EPHB1: variants seen among roughly 807,000 people sequenced by gnomAD.
The protein encoded by EPHB1 is EPH receptor B1, also known as ephrin type-B receptor 1.
In EPHB1, 30 loss-of-function variants were observed where a neutral mutation model predicts 94.4. The observed-to-expected ratio is 0.32, with a 90% CI of 0.24 to 0.43. The LOEUF (loss-of-function observed/expected upper bound fraction) is 0.43, where lower values mean the gene tolerates loss of function less well. Ranked by LOEUF, EPHB1 falls within the 20% of genes least tolerant of loss-of-function variation. The pLI, the probability that EPHB1 is intolerant of heterozygous loss-of-function variation, is 1.00. For synonymous variants in EPHB1, 522 were observed against 489.1 expected (o/e 1.07, Z -0.89); for missense variants, 1,055 against 1,308.3 (o/e 0.81, Z 2.99).
intron 3 of EPHB1, among the ~76,000 whole-genome samples, chr3:135,090,556 A>G (rs531583049): frequency 2.0e-5 from 3 of 152,230 alleles, no homozygotes; most frequent in Middle Eastern, 3.2e-3. Context: ...ACTGCAATTT[A>G]GGAGCTGAGC....
intron 5 of EPHB1, among the ~76,000 whole-genome samples, chr3:135,149,623 T>C (rs1941129601): frequency 6.6e-6 from 1 of 152,240 alleles, no homozygotes; most frequent in Non-Finnish European, 1.5e-5. Context: ...TGCAGGTGAC[T>C]GTTGATGGCA....
chr3:135,210,980 C>T (rs1943019854), intron 12 of EPHB1, among the ~76,000 whole-genome samples: 1 of 152,196 alleles, frequency 6.6e-6, no homozygotes, highest in African/African-American at 2.4e-5. Context: ...CATCCCTCTC[C>T]ACCCCATGTA....
chr3:134,918,571 T>C (rs1292985201), intron 1 of EPHB1, among the ~76,000 whole-genome samples: 1 of 152,210 alleles, frequency 6.6e-6, no homozygotes. Context: ...TGTTCCATCT[T>C]GCTTCCTAGT....
At chr3:134,858,889 G>C (rs2037184097) in intron 1 of EPHB1, among the ~76,000 whole-genome samples, 1 of 152,184 alleles carries the variant, frequency 6.6e-6, no homozygotes, top group Non-Finnish European at 1.5e-5. Context: ...TGAAGATACG[G>C]GGCCCCTTCC....
chr3:134,849,574 T>C (rs967967022), intron 1 of EPHB1, among the ~76,000 whole-genome samples: 7 of 152,108 alleles, frequency 4.6e-5, no homozygotes, highest in African/African-American at 1.7e-4. Context: ...ACGTGGAGCC[T>C]GTAGTTGGAG....
intron 3 of EPHB1, among the ~76,000 whole-genome samples, chr3:135,011,916 C>G (rs1434650130): frequency 2.0e-5 from 3 of 152,112 alleles, no homozygotes; most frequent in Non-Finnish European, 4.4e-5. Flanking sequence ...TGAAGGGTGT[C>G]AAGAGAATAG....
chr3:134,831,221 G>T (rs2036576644), intron 1 of EPHB1, among the ~76,000 whole-genome samples: 1 of 152,190 alleles, frequency 6.6e-6, no homozygotes, highest in Non-Finnish European at 1.5e-5. Context: ...ACTTGAAAAT[G>T]TGGCCTCTAA....
chr3:135,183,042 C>CT (rs10694309), intron 10 of EPHB1, among the ~76,000 whole-genome samples: 27 of 75,416 alleles, frequency 3.6e-4, no homozygotes, highest in East Asian at 2.0e-3. Flanking sequence ...TTCTTTCTTT[C>CT]TTTCTTTCTT....
intron 3 of EPHB1, among the ~76,000 whole-genome samples, chr3:135,062,898 A>G (rs1400264604): frequency 1.3e-5 from 2 of 152,090 alleles, no homozygotes; most frequent in Non-Finnish European, 2.9e-5. Flanking sequence ...TCATTCTCCT[A>G]TATGTGGTTA....
chr3:135,110,743 T>C (rs1290448093), intron 4 of EPHB1, among the ~76,000 whole-genome samples: 1 of 152,208 alleles, frequency 6.6e-6, no homozygotes, highest in African/African-American at 2.4e-5. Context: ...TAGAGAAGGA[T>C]AAGAATCTGC....
chr3:134,935,600 T>G (rs1317289251), intron 2 of EPHB1, among the ~76,000 whole-genome samples: 1 of 152,232 alleles, frequency 6.6e-6, no homozygotes, highest in East Asian at 1.9e-4. Context: ...TGATTGGGAT[T>G]ACATTGTGTT....
intron 10 of EPHB1, among the ~76,000 whole-genome samples, chr3:135,185,103 TC>T (rs1461282120): frequency 1.3e-5 from 2 of 152,214 alleles, no homozygotes; most frequent in Non-Finnish European, 2.9e-5. Context: ...TAAATATGTC[TC>T]CTCTGACTCT....
At chr3:135,245,214 C>T (rs1314452126) in intron 13 of EPHB1, among the ~76,000 whole-genome samples, 1 of 152,180 alleles carries the variant, frequency 6.6e-6, no homozygotes, top group East Asian at 1.9e-4. Flanking sequence ...CTGCGCTGTG[C>T]TCAACACGCA....
intron 4 of EPHB1, among the ~76,000 whole-genome samples, chr3:135,123,000 G>A (rs1940037845): frequency 6.6e-6 from 1 of 152,220 alleles, no homozygotes; most frequent in African/African-American, 2.4e-5. Flanking sequence ...CAGGGAAGCT[G>A]CTGAGATGCC....
intron 1 of EPHB1, among the ~76,000 whole-genome samples, chr3:134,880,353 G>A (rs890698900): frequency 6.6e-6 from 1 of 152,204 alleles, no homozygotes; most frequent in Non-Finnish European, 1.5e-5. Context: ...CAACAAAGGG[G>A]CTTTGGTGAG....
intron 1 of EPHB1, among the ~76,000 whole-genome samples, chr3:134,827,724 G>C (rs1053043035): frequency 2.6e-5 from 4 of 152,208 alleles, no homozygotes; most frequent in Non-Finnish European, 5.9e-5. Flanking sequence ...TCCCTGGGGA[G>C]CTGGGGTGGA....
chr3:135,115,695 C>T (rs1426359473), intron 4 of EPHB1, among the ~76,000 whole-genome samples: 2 of 152,194 alleles, frequency 1.3e-5, no homozygotes, highest in Middle Eastern at 3.2e-3. Context: ...CCACTCCTTC[C>T]TCACAGTGTG....
At chr3:135,177,725 C>T (rs1252808361) in intron 9 of EPHB1, among the ~76,000 whole-genome samples, 1 of 152,108 alleles carries the variant, frequency 6.6e-6, no homozygotes. Context: ...AAAATCTTGC[C>T]TCTAGGGCTG....
chr3:135,156,398 C>A lies in EPHB1; in HGVS notation c.1422+2122C>A, dbSNP rs79154075. On this transcript the variant is annotated intron_variant, in intron 6 of 15. Transcript: ENST00000398015. ...ACCTATGGGCCTGCAACAGGGAGGC[C>A]ATGCTGAATAGTGGGACATGACTGC... 2.6e-5 allele frequency among the ~76,000 whole-genome samples: 4 copies of A among 152,290 alleles called. No individual in the cohort carries two copies. In the East Asian group the frequency reaches 7.7e-4, roughly 29 times the overall value.
Sources: allele counts gnomAD v4.1 joint callset (sites outside exome capture counted in the v4.1 genomes callset), GRCh38; gene constraint gnomAD v4.1.1; transcripts MANE v1.5; gene names NCBI Gene and HGNC (gene_info 2026-07-23, HGNC 2026-07-21).